The following RDH13 variants were observed in gnomAD, a reference collection of about 807,000 sequenced individuals.
RDH13 encodes the protein retinol dehydrogenase 13, also known as retinol dehydrogenase 13 (all-trans and 9-cis).
A neutral mutation model predicts 28.3 loss-of-function variants in RDH13; 35 were observed. The ratio of observed to expected loss-of-function variants is 1.24; its 90% CI spans 0.95 to 1.64. The LOEUF (loss-of-function observed/expected upper bound fraction) is 1.64, where lower values mean the gene tolerates loss of function less well. Among genes scored for constraint, RDH13 ranks in the 40% most tolerant of loss-of-function variants. The pLI is 0.00. For missense variants in RDH13, 514 were observed against 446.3 expected (o/e 1.15, Z -1.37); for synonymous variants, 229 against 198.5 (o/e 1.15, Z -1.29).
Position 55,045,307 on chromosome 19 carries a change from G to A in RDH13, c.763C>T (p.Pro255Ser). 1 of 1,610,744 alleles carries A rather than the reference G, an allele frequency of 6.2e-7. No homozygotes were observed. Among genetic ancestry groups the A allele is most frequent in the Non-Finnish European group, 8.5e-7 (1 of 1,178,920 alleles). ...GSTFSSTTLG[P>S]IFWLLVKSPE... ...CTCTTGACCAGCAGCCAGAAGATGG[G>A]CCCTGCAATCAGCCCACAGGGCATT... The change falls in exon 7 of 7, where the codon CCC becomes TCC. Residue 255 changes from proline (P) to serine (S), a missense_variant and splice_region_variant. Physicochemically the swap from Pro to Ser is moderately conservative, Grantham distance 74. Coordinates refer to ENST00000415061, the MANE Select transcript of RDH13 (RefSeq NM_001145971.2).
chr19:55,050,345 G>C (rs2075389080), intron 3 of RDH13, among the ~76,000 whole-genome samples: 1 of 152,076 alleles, frequency 6.6e-6, no homozygotes, highest in Admixed American at 6.6e-5. Flanking sequence ...TCACACTCCT[G>C]ACCTCGTGAT....
chr19:55,048,201 C>T (rs2075300893), intron 5 of RDH13, 128 bp downstream of exon 5: 1 of 1,542,714 alleles, frequency 6.5e-7, no homozygotes, highest in Admixed American at 2.0e-5. Flanking sequence ...CAGCGTGGTC[C>T]ACATGCTCTA....
upstream of RDH13, among the ~76,000 whole-genome samples, chr19:55,066,077 T>C (rs1301632432): frequency 1.3e-5 from 2 of 152,214 alleles, no homozygotes; most frequent in Admixed American, 6.5e-5. Context: ...ACTTAATCCA[T>C]AGTAAGTGCC....
At chr19:55,042,239 C>A (rs2075052563), downstream of RDH13, 1 of 152,176 alleles carries the variant, frequency 6.6e-6, no homozygotes, top group Non-Finnish European at 1.5e-5. Context: ...ACCTAACATC[C>A]TCCGTCCCAC....
intron 1 of RDH13, among the ~76,000 whole-genome samples, chr19:55,059,532 T>A (rs2075745319): frequency 1.9e-5 from 2 of 108,062 alleles, no homozygotes. Context: ...CCCGGCCAGG[T>A]GAGGGGGCTT....
Position 55,068,273 on chromosome 19 carries a change from C to T in RDH13, c.-266+1049G>A, listed in dbSNP as rs190913100. On this transcript the variant is annotated intron_variant, in intron 1 of 7. Transcript: ENST00000396247. ...CTCCACGGCCTGGCACGGTAGCTCA[C>T]GCCTTTAATCCCAGCACTTTGAGAG... is the stretch of plus-strand genomic sequence containing the variant. The T allele has an allele frequency of 1.2e-3, 180 of 152,408 alleles. 1 individual carries two copies. Among genetic ancestry groups the T allele is most frequent in the Non-Finnish European group, 2.2e-3 (151 of 68,138 alleles). 9.4% of individuals were successfully genotyped at this position (152,408 alleles called of 1,614,324 possible).
chr19:55,040,562 A>G (rs1415429796), downstream of RDH13: 2 of 152,246 alleles, frequency 1.3e-5, no homozygotes, highest in Non-Finnish European at 2.9e-5. Context: ...TTCAGTGACC[A>G]TGGTTGAATG....
intron 1 of RDH13, chr19:55,068,714 T>TA (rs1316330662): frequency 7.2e-6 from 1 of 139,792 alleles, no homozygotes; most frequent in Non-Finnish European, 1.5e-5. Context: ...CGGGTGCCTG[T>TA]AGTCCCAGCT....
At chr19:55,046,981 C>G (rs2075256043) in intron 6 of RDH13, 2 of 286,828 alleles carry the variant, frequency 7.0e-6, no homozygotes, top group Non-Finnish European at 1.1e-5. Context: ...TCTCGTATAA[C>G]CCCCCCAGTG....
downstream of RDH13, chr19:55,039,730 T>G (rs1209705731): frequency 6.6e-6 from 1 of 151,198 alleles, no homozygotes; most frequent in Admixed American, 6.6e-5. Flanking sequence ...TCCCAGCTAC[T>G]CCGGAGGCTG....
At chr19:55,063,374 G>T (rs1204868545), upstream of RDH13, 6 of 310,994 alleles carry the variant, frequency 1.9e-5, no homozygotes, top group Non-Finnish European at 3.5e-5. Flanking sequence ...ACGCAGTTCT[G>T]GAGTGAAATA....
chr19:55,041,540 GGT>G (rs1269877865), downstream of RDH13: 2 of 84,072 alleles, frequency 2.4e-5, no homozygotes, highest in Non-Finnish European at 5.7e-5. Flanking sequence ...GCAAGAAAAT[GGT>G]ATTATTCTTA....
intron 6 of RDH13, among the ~76,000 whole-genome samples, chr19:55,045,584 C>T (rs1273585140): frequency 1.3e-5 from 2 of 152,200 alleles, no homozygotes; most frequent in East Asian, 3.9e-4. Context: ...CAGCCCCAGT[C>T]CTCACCCTAC....
upstream of RDH13, among the ~76,000 whole-genome samples, chr19:55,066,725 G>T (rs73059063): frequency 0.11 from 15,988 of 145,248 alleles, 1,151 homozygotes; most frequent in Admixed American, 0.17. Context: ...TCTTGTGTGT[G>T]TCTCTCTCTC....
chr19:55,048,817 G>C (rs1233853267), intron 3 of RDH13, 54 bp from the exon 4 acceptor site: 2 of 1,446,216 alleles, frequency 1.4e-6, no homozygotes, highest in Non-Finnish European at 1.9e-6. Flanking sequence ...ACCCCAGCCT[G>C]ATGCACCAGC....
Position 55,052,144 on chromosome 19 carries a change from C to T in RDH13, c.341-3381G>A, listed in dbSNP as rs566069997. Among the ~76,000 whole-genome samples, 403 of 141,654 alleles carry T rather than the reference C, an allele frequency of 2.8e-3. 2 individuals carry two copies. The highest frequency in any genetic ancestry group is 9.7e-3 in the African/African-American group (367 of 37,952). The allele number at this position is 141,654 out of a possible 152,430, so 92.9% of individuals were successfully genotyped here. On this transcript the variant is annotated intron_variant, in intron 3 of 6. Coordinates refer to ENST00000415061, the MANE Select transcript of RDH13 (RefSeq NM_001145971.2). ...CAATCAAAGCTCACTGCAGGCCGGG[C>T]GTGGTGGCTCACATCTGTAATCCCA... is the stretch of plus-strand genomic sequence containing the variant.
At chr19:55,066,452 TCCC>T (rs1383449272), upstream of RDH13, among the ~76,000 whole-genome samples, 6 of 106,034 alleles carry the variant, frequency 5.7e-5, no homozygotes, top group Non-Finnish European at 8.8e-5. Context: ...TCCCTCTCTC[TCCC>T]TCTCTCTTCC....
At chr19:55,043,182 A>C (rs62122050), downstream of RDH13, 21,091 of 152,336 alleles carry the variant, frequency 0.14, 1,731 homozygotes, top group Middle Eastern at 0.3. Context: ...CGGAAGGGTC[A>C]CTTGAGCCCA....
intron 1 of RDH13, 97 bp from the exon 2 acceptor site, chr19:55,059,372 C>T: frequency 2.8e-6 from 2 of 722,984 alleles, no homozygotes; most frequent in Non-Finnish European, 2.4e-6. Context: ...TGAGCTCACT[C>T]ACATACCCCA....
Sources: allele counts gnomAD v4.1 joint callset (sites outside exome capture counted in the v4.1 genomes callset), GRCh38; gene constraint gnomAD v4.1.1; transcripts MANE v1.5; gene names NCBI Gene and HGNC (gene_info 2026-07-23, HGNC 2026-07-21).